The following RPTOR variants were observed in gnomAD, a reference collection of about 807,000 sequenced individuals.
RPTOR encodes regulatory associated protein of MTOR complex 1, also known as regulatory-associated protein of mTOR.
A neutral mutation model predicts 169.9 loss-of-function variants in RPTOR; 21 were observed. The observed-to-expected ratio is 0.12, with a 90% CI of 0.09 to 0.18. The LOEUF is 0.18. Ranked by LOEUF, RPTOR falls within the 10% of genes least tolerant of loss-of-function variation. The probability of loss-of-function intolerance (pLI) is 1.00; values close to 1 mark genes in which losing one functional copy is unlikely to be tolerated. For synonymous variants in RPTOR, 732 were observed against 753.2 expected, an observed-to-expected ratio of 0.97 and a Z score of 0.46; for missense variants, 1,133 against 1,855.9, an observed-to-expected ratio of 0.61 and a Z score of 7.16.
At chr17:80,822,397 A>AC in intron 8 of RPTOR, 96 bp downstream of exon 8, 1 of 1,204,104 alleles carries the variant, frequency 8.3e-7, no homozygotes. Flanking sequence ...AGGATCCGTG[A>AC]GTGCCTCCCT....
intron 2 of RPTOR, among the ~76,000 whole-genome samples, chr17:80,634,394 TGTGCATA>T (rs2065475040): frequency 7.7e-6 from 1 of 129,112 alleles, no homozygotes; most frequent in Non-Finnish European, 1.7e-5. Flanking sequence ...ACTGTGTGCG[TGTGCATA>T]CCGTGTGTGT....
chr17:80,872,405 G>A (rs2068061589), intron 13 of RPTOR, among the ~76,000 whole-genome samples: 1 of 152,158 alleles, frequency 6.6e-6, no homozygotes, highest in Non-Finnish European at 1.5e-5. Context: ...CAGGAAGGCA[G>A]AGGCCCCTTC....
intron 1 of RPTOR, among the ~76,000 whole-genome samples, chr17:80,625,326 G>A (rs943400301): frequency 6.6e-6 from 1 of 152,172 alleles, no homozygotes; most frequent in Non-Finnish European, 1.5e-5. Flanking sequence ...TCTGGTGGGA[G>A]TGTAAATTTG....
At chr17:80,626,428 A>G (rs2065394838) in intron 2 of RPTOR, among the ~76,000 whole-genome samples, 2 of 152,128 alleles carry the variant, frequency 1.3e-5, no homozygotes, top group Non-Finnish European at 2.9e-5. Context: ...AAAAAATGGA[A>G]TGACTGATAC....
chr17:80,911,695 A>C (rs1376911741), intron 21 of RPTOR, among the ~76,000 whole-genome samples: 4 of 152,136 alleles, frequency 2.6e-5, no homozygotes, highest in African/African-American at 9.7e-5. Context: ...TGAGGCTGGA[A>C]GATCCCTTGA....
At chr17:80,937,407 CG>C (rs2068967818) in intron 24 of RPTOR, among the ~76,000 whole-genome samples, 1 of 152,192 alleles carries the variant, frequency 6.6e-6, no homozygotes, top group Non-Finnish European at 1.5e-5. Context: ...GCTGCTTTCC[CG>C]TAAGTCTTCT....
chr17:80,770,104 C>T (rs929455108), intron 6 of RPTOR, among the ~76,000 whole-genome samples: 3 of 152,334 alleles, frequency 2.0e-5, no homozygotes, highest in African/African-American at 7.2e-5. Flanking sequence ...CTGGTGAGGG[C>T]TGTTCTCTGC....
intron 2 of RPTOR, among the ~76,000 whole-genome samples, chr17:80,631,521 G>A (rs182941202): frequency 6.6e-6 from 1 of 152,262 alleles, no homozygotes; most frequent in Non-Finnish European, 1.5e-5. Flanking sequence ...GGGCTTTCTC[G>A]GAGAGGACGG....
intron 21 of RPTOR, among the ~76,000 whole-genome samples, chr17:80,918,392 G>A (rs1024596037): frequency 7.2e-5 from 11 of 152,128 alleles, no homozygotes; most frequent in Middle Eastern, 3.2e-3. Flanking sequence ...TGCAGGCAGC[G>A]GCTGCCCCAC....
At position 80,947,797 on chromosome 17, in the gene RPTOR, C is replaced by T. The variant is rs913783336; in HGVS notation, c.3265+446C>T. Reference sequence around the variant, plus strand: ...TCCCCACTGGGAGCTGGCACTCACCCTCCTCCAGTCCCGTCCTGCACCTGA... The same window carrying T: ...TCCCCACTGGGAGCTGGCACTCACCTTCCTCCAGTCCCGTCCTGCACCTGA... On this transcript the variant is annotated intron_variant, in intron 27 of 33. Coordinates refer to ENST00000306801, the MANE Select transcript of RPTOR (RefSeq NM_020761.3). The surrounding 1 kb of genome is among the most constrained non-coding windows in gnomAD (Gnocchi z 4.4). Among the ~76,000 whole-genome samples, 1 of 152,204 alleles carries T rather than the reference C, an allele frequency of 6.6e-6. No homozygotes were observed. The highest frequency in any genetic ancestry group is 1.5e-5 in the Non-Finnish European group (1 of 68,036).
At chr17:80,710,644 C>T (rs2066181837) in intron 4 of RPTOR, among the ~76,000 whole-genome samples, 1 of 150,460 alleles carries the variant, frequency 6.6e-6, no homozygotes, top group Non-Finnish European at 1.5e-5. Flanking sequence ...CTCCCTTAGG[C>T]TGGTGCTACG....
intron 3 of RPTOR, among the ~76,000 whole-genome samples, chr17:80,691,061 C>T (rs1340724170): frequency 1.3e-5 from 2 of 152,172 alleles, no homozygotes; most frequent in Non-Finnish European, 2.9e-5. Context: ...TCCCAAAGTG[C>T]TGGGGTTACA....
At chr17:80,655,746 C>T (rs763230735) in intron 3 of RPTOR, among the ~76,000 whole-genome samples, 17 of 152,120 alleles carry the variant, frequency 1.1e-4, no homozygotes, top group Middle Eastern at 3.4e-3. Flanking sequence ...GCTTAAAATA[C>T]GTCAAATTTA....
At chr17:80,556,797 A>AG (rs1174190295) in intron 1 of RPTOR, among the ~76,000 whole-genome samples, 30 of 150,984 alleles carry the variant, frequency 2.0e-4, no homozygotes, top group Admixed American at 1.3e-3. Flanking sequence ...AAAAAAAAAA[A>AG]ACTTAAAACA....
intron 18 of RPTOR, 38 bp from the exon 19 acceptor site, chr17:80,892,691 G>T: frequency 6.2e-7 from 1 of 1,603,510 alleles, no homozygotes; most frequent in Non-Finnish European, 8.5e-7. Context: ...CCTCCACCTG[G>T]AAGCCCATTG....
Position 80,659,274 on chromosome 17 carries a change from A to C in RPTOR, c.348+15464A>C, listed in dbSNP as rs2065702999. Among the ~76,000 whole-genome samples, 1 of 151,446 alleles carries C rather than the reference A, an allele frequency of 6.6e-6. No individual in the cohort carries two copies. Among genetic ancestry groups the C allele is most frequent in the Non-Finnish European group, 1.5e-5 (1 of 67,728 alleles). On this transcript the variant is annotated intron_variant, in intron 3 of 33. Coordinates refer to ENST00000306801, the MANE Select transcript of RPTOR (RefSeq NM_020761.3). The surrounding 1 kb of genome is among the most constrained non-coding windows in gnomAD (Gnocchi z 4.3). ...GCTCCGAGGGGGAAGTGGGCTCAGA[A>C]GAGTGGGCTTCTGATCTGAATCCAA...
chr17:80,822,382 C>A, intron 8 of RPTOR, 81 bp downstream of exon 8: 1 of 1,366,196 alleles, frequency 7.3e-7, no homozygotes, highest in Non-Finnish European at 1.0e-6. Flanking sequence ...TGAGAGGAGT[C>A]AGATAGGATC....
intron 1 of RPTOR, among the ~76,000 whole-genome samples, chr17:80,551,048 C>A (rs1035487384): frequency 2.0e-5 from 3 of 152,000 alleles, no homozygotes; most frequent in African/African-American, 7.3e-5. Context: ...ACACCATGCC[C>A]GGCTGATTTT....
At chr17:80,922,901 G>A (rs2068763353) in intron 22 of RPTOR, 74 bp downstream of exon 22, 21 of 1,256,464 alleles carry the variant, frequency 1.7e-5, no homozygotes, top group South Asian at 7.8e-5. Context: ...TCCCTGAGCC[G>A]GCCTCCCCAT....
Sources: allele counts gnomAD v4.1 joint callset (sites outside exome capture counted in the v4.1 genomes callset), GRCh38; gene constraint gnomAD v4.1.1; non-coding constraint Gnocchi (gnomAD v3.1); transcripts MANE v1.5; gene names NCBI Gene and HGNC (gene_info 2026-07-23, HGNC 2026-07-21).